MACROD2: variants seen among roughly 807,000 people sequenced by gnomAD.
MACROD2 encodes the protein mono-ADP ribosylhydrolase 2, also known as ADP-ribose glycohydrolase MACROD2.
Under a neutral mutation model 70.4 loss-of-function variants are expected in MACROD2, and 36 were observed. That is an observed-to-expected ratio of 0.51 (90% CI 0.39 to 0.68). The LOEUF (loss-of-function observed/expected upper bound fraction) is 0.68, where lower values mean the gene tolerates loss of function less well. Among genes scored for constraint, MACROD2 ranks in the 30% least tolerant of loss-of-function variants. MACROD2 has a pLI of 0.00. For missense variants in MACROD2, 496 were observed against 538.4 expected (o/e 0.92, Z 0.78); for synonymous variants, 172 against 178.8 (o/e 0.96, Z 0.30).
At chr20:14,564,084 T>C (rs1008636319) in intron 4 of MACROD2, among the ~76,000 whole-genome samples, 1 of 151,834 alleles carries the variant, frequency 6.6e-6, no homozygotes, top group Admixed American at 6.6e-5. Flanking sequence ...AACACAGATA[T>C]ACACTGGGGA....
intron 2 of MACROD2, among the ~76,000 whole-genome samples, chr20:14,028,508 A>C (rs896931318): frequency 6.6e-6 from 1 of 152,132 alleles, no homozygotes; most frequent in Non-Finnish European, 1.5e-5. Context: ...GTCTGCCCAA[A>C]CAGCCACCCA....
chr20:15,419,690 A>T (rs1011438794), intron 6 of MACROD2, among the ~76,000 whole-genome samples: 3 of 152,162 alleles, frequency 2.0e-5, no homozygotes, highest in African/African-American at 7.2e-5. Flanking sequence ...ATTGCCTCTT[A>T]TGTCAATTTT....
intron 4 of MACROD2, among the ~76,000 whole-genome samples, chr20:14,586,941 TA>T (rs1338052913): frequency 2.6e-5 from 4 of 152,116 alleles, no homozygotes; most frequent in Admixed American, 1.3e-4. Flanking sequence ...TGACATAATA[TA>T]TTTTTTTTCA....
intron 3 of MACROD2, among the ~76,000 whole-genome samples, chr20:14,100,833 A>G (rs1406805939): frequency 8.1e-6 from 1 of 123,336 alleles, no homozygotes; most frequent in Non-Finnish European, 1.8e-5. Flanking sequence ...TATAACATAT[A>G]TAATATAATA....
At chr20:14,471,273 A>G (rs181339677) in intron 3 of MACROD2, among the ~76,000 whole-genome samples, 69 of 152,208 alleles carry the variant, frequency 4.5e-4, no homozygotes, top group Admixed American at 2.2e-3. Context: ...ACCAGTCCCA[A>G]TGAGATGAGC....
intron 8 of MACROD2, among the ~76,000 whole-genome samples, chr20:15,764,250 TA>T (rs1337696357): frequency 1.3e-5 from 2 of 152,248 alleles, no homozygotes; most frequent in Admixed American, 6.5e-5. Context: ...TATTTTATAT[TA>T]TTTTTTTCTG....
chr20:15,199,825 G>T (rs1295543124), intron 5 of MACROD2, among the ~76,000 whole-genome samples: 4 of 152,158 alleles, frequency 2.6e-5, no homozygotes, highest in Admixed American at 2.6e-4. Flanking sequence ...GAAACAAAAA[G>T]TAGCCACAAC....
intron 8 of MACROD2, among the ~76,000 whole-genome samples, chr20:15,843,420 A>G (rs2064196317): frequency 1.3e-5 from 2 of 152,154 alleles, no homozygotes; most frequent in South Asian, 4.1e-4. Flanking sequence ...AGTTATGTTA[A>G]TTCTATGTGA....
chr20:14,982,079 G>A (rs1232749665), intron 5 of MACROD2, among the ~76,000 whole-genome samples: 3 of 152,118 alleles, frequency 2.0e-5, no homozygotes, highest in African/African-American at 4.8e-5. Context: ...GAACTTGTTG[G>A]GAACTGGAGC....
intron 3 of MACROD2, among the ~76,000 whole-genome samples, chr20:14,095,282 T>A (rs989373304): frequency 6.6e-6 from 1 of 152,156 alleles, no homozygotes; most frequent in African/African-American, 2.4e-5. Context: ...GTGGGAAACT[T>A]GAAGATCCCC....
intron 6 of MACROD2, among the ~76,000 whole-genome samples, chr20:15,285,607 C>T (rs1295788616): frequency 6.6e-6 from 1 of 152,166 alleles, no homozygotes; most frequent in Non-Finnish European, 1.5e-5. Flanking sequence ...TCTAACTACG[C>T]TGTTGCCATT....
chr20:15,790,903 T>C (rs1303701968), intron 8 of MACROD2, among the ~76,000 whole-genome samples: 2 of 151,956 alleles, frequency 1.3e-5, no homozygotes. Context: ...AGAAAATAGA[T>C]GTCAATGTAT....
At chr20:14,995,707 T>A (rs1430801694) in intron 5 of MACROD2, among the ~76,000 whole-genome samples, 2 of 152,006 alleles carry the variant, frequency 1.3e-5, no homozygotes, top group Admixed American at 6.6e-5. Flanking sequence ...TGGTAAGAAA[T>A]TCAGAAATGA....
At chr20:15,463,471 CAGGTG>C (rs1195128736) in intron 7 of MACROD2, among the ~76,000 whole-genome samples, 9 of 152,106 alleles carry the variant, frequency 5.9e-5, no homozygotes, top group African/African-American at 2.2e-4. Context: ...ACTTTTAGGC[CAGGTG>C]TGGTGGCTCA....
chr20:14,154,979 TCTCACCAGCA>T (rs2055079446), intron 3 of MACROD2, among the ~76,000 whole-genome samples: 1 of 152,188 alleles, frequency 6.6e-6, no homozygotes, highest in African/African-American at 2.4e-5. Context: ...TTTCTTTGCA[TCTCACCAGCA>T]CTCAACACTG....
intron 5 of MACROD2, among the ~76,000 whole-genome samples, chr20:14,789,648 G>T (rs1193381411): frequency 6.6e-6 from 1 of 151,124 alleles, no homozygotes. Context: ...GCTAATTTTT[G>T]TATTTTTAGT....
intron 8 of MACROD2, among the ~76,000 whole-genome samples, chr20:15,519,399 C>T (rs1440677522): frequency 1.3e-5 from 2 of 152,168 alleles, no homozygotes; most frequent in African/African-American, 4.8e-5. Flanking sequence ...ACTGAGATTA[C>T]AGGCGTGAGT....
rs140416310 is a variant in MACROD2 at position 14,784,028 on chromosome 20, C to G, written c.418+99069C>G. 2.6e-4 allele frequency among the ~76,000 whole-genome samples: 39 copies of G among 152,212 alleles called. 2 individuals carry two copies. Among genetic ancestry groups the G allele is most frequent in the African/African-American group, 8.4e-4 (35 of 41,502 alleles). The stretch of plus-strand genomic sequence containing the variant: ...TAAAATGCAGGTACTAGCAGTCAGG[C>G]CTAAGGGCTCTGAGATGGTAAAGGC... On this transcript the variant is annotated intron_variant, in intron 5 of 17. Coordinates refer to ENST00000684519, the MANE Select transcript of MACROD2 (RefSeq NM_001351661.2).
At chr20:15,549,587 G>A (rs187684541) in intron 8 of MACROD2, among the ~76,000 whole-genome samples, 75 of 152,288 alleles carry the variant, frequency 4.9e-4, no homozygotes, top group African/African-American at 1.7e-3. Context: ...CACAGACAGA[G>A]GTTTTATTTT....
Sources: allele counts gnomAD v4.1 joint callset (sites outside exome capture counted in the v4.1 genomes callset), GRCh38; gene constraint gnomAD v4.1.1; transcripts MANE v1.5; gene names NCBI Gene and HGNC (gene_info 2026-07-23, HGNC 2026-07-21).